SSBP2: variants seen among roughly 807,000 people sequenced by gnomAD.
The protein encoded by SSBP2 is single stranded DNA binding protein 2.
In SSBP2, 17 loss-of-function variants were observed where a neutral mutation model predicts 61.8. The ratio of observed to expected loss-of-function variants is 0.28; its 90% CI spans 0.19 to 0.41. The LOEUF (loss-of-function observed/expected upper bound fraction) is 0.41, where lower values mean the gene tolerates loss of function less well. Among genes scored for constraint, SSBP2 ranks in the 10% least tolerant of loss-of-function variants. The pLI, the probability that SSBP2 is intolerant of heterozygous loss-of-function variation, is 1.00. For missense variants in SSBP2, 310 were observed against 458.7 expected (o/e 0.68, Z 2.96); for synonymous variants, 139 against 141.3 (o/e 0.98, Z 0.12).
At chr5:81,451,183 G>A (rs191426075) in intron 10 of SSBP2, among the ~76,000 whole-genome samples, 1 of 152,200 alleles carries the variant, frequency 6.6e-6, no homozygotes, top group East Asian at 1.9e-4. Context: ...GGACTCTTGT[G>A]AGCTGGCACT....
chr5:81,542,136 T>C (rs1771320944), intron 4 of SSBP2, among the ~76,000 whole-genome samples: 1 of 152,120 alleles, frequency 6.6e-6, no homozygotes, highest in Non-Finnish European at 1.5e-5. Flanking sequence ...AAAGAAGACA[T>C]ACAAGCGGCC....
chr5:81,434,633 C>CAAAAAAAAAAAAAA (rs34269591), intron 15 of SSBP2, among the ~76,000 whole-genome samples: 20 of 42,996 alleles, frequency 4.7e-4, no homozygotes, highest in East Asian at 1.7e-3. Flanking sequence ...ACTCTTGACT[C>CAAAAAAAAAAAAAA]AAAAAAAAAA....
chr5:81,645,086 C>A (rs895650235), intron 2 of SSBP2, among the ~76,000 whole-genome samples: 7 of 152,156 alleles, frequency 4.6e-5, no homozygotes, highest in African/African-American at 7.2e-5. Flanking sequence ...TGTGCATATA[C>A]TAACTCATTT....
chr5:81,680,564 A>G (rs1581328646), intron 1 of SSBP2, among the ~76,000 whole-genome samples: 1 of 152,072 alleles, frequency 6.6e-6, no homozygotes, highest in East Asian at 1.9e-4. Flanking sequence ...AAGTAAATGG[A>G]TGGAGAAAGA....
intron 1 of SSBP2, among the ~76,000 whole-genome samples, chr5:81,712,417 A>T (rs1754855649): frequency 1.6e-4 from 1 of 6,168 alleles, no homozygotes; most frequent in African/African-American, 9.5e-4. Flanking sequence ...CTGGCTAACA[A>T]GGTGAAACCC....
At chr5:81,725,211 T>A (rs561046272) in intron 1 of SSBP2, among the ~76,000 whole-genome samples, 1 of 152,000 alleles carries the variant, frequency 6.6e-6, no homozygotes, top group African/African-American at 2.4e-5. Context: ...TTTTTAGGCA[T>A]AATAAAACAG....
chr5:81,644,811 CAG>C (rs1314045520), intron 2 of SSBP2, among the ~76,000 whole-genome samples: 13 of 152,126 alleles, frequency 8.5e-5, no homozygotes, highest in Admixed American at 6.5e-4. Flanking sequence ...TAAAGGCTCA[CAG>C]ATACTGGAGA....
At chr5:81,460,999 T>C (rs1764499634) in intron 10 of SSBP2, 56 bp downstream of exon 10, 7 of 1,112,634 alleles carry the variant, frequency 6.3e-6, no homozygotes, top group Non-Finnish European at 8.3e-6. Flanking sequence ...TTTTTGTGAT[T>C]TTTGTTAAAT....
At chr5:81,625,686 T>C (rs1174130223) in intron 3 of SSBP2, among the ~76,000 whole-genome samples, 2 of 151,600 alleles carry the variant, frequency 1.3e-5, no homozygotes, top group Non-Finnish European at 2.9e-5. Context: ...AACCAAACAC[T>C]GTATCTCCCT....
chr5:81,684,141 A>G (rs1338447904), intron 1 of SSBP2, among the ~76,000 whole-genome samples: 1 of 152,226 alleles, frequency 6.6e-6, no homozygotes, highest in Non-Finnish European at 1.5e-5. Context: ...TCATGAAAAC[A>G]TGCACACAAA....
intron 6 of SSBP2, among the ~76,000 whole-genome samples, chr5:81,482,822 G>A (rs1298609294): frequency 6.6e-6 from 1 of 152,094 alleles, no homozygotes; most frequent in Non-Finnish European, 1.5e-5. Context: ...TCCTAACATT[G>A]CTGTTTGGCA....
At chr5:81,732,042 TA>T (rs1207176711) in intron 1 of SSBP2, among the ~76,000 whole-genome samples, 2 of 152,088 alleles carry the variant, frequency 1.3e-5, no homozygotes, top group African/African-American at 2.4e-5. Flanking sequence ...TTACCTCTAA[TA>T]TCATCCACCT....
chr5:81,567,998 G>A (rs948527372), intron 4 of SSBP2, among the ~76,000 whole-genome samples: 1 of 152,212 alleles, frequency 6.6e-6, no homozygotes, highest in Non-Finnish European at 1.5e-5. Flanking sequence ...GAACTTGATG[G>A]AGGAAGGAAC....
chr5:81,615,706 G>A (rs1745942496), intron 3 of SSBP2, 149 bp from the exon 4 acceptor site: 4 of 567,892 alleles, frequency 7.0e-6, no homozygotes, highest in South Asian at 2.5e-5. Context: ...ACGCAAGCAA[G>A]GCTCTTCATG....
At chr5:81,532,973 G>T (rs1020002742) in intron 4 of SSBP2, among the ~76,000 whole-genome samples, 2 of 151,820 alleles carry the variant, frequency 1.3e-5, no homozygotes, top group African/African-American at 4.8e-5. Context: ...CTCAACAACC[G>T]ATAGTAGACA....
intron 6 of SSBP2, among the ~76,000 whole-genome samples, chr5:81,485,959 A>G (rs1009687580): frequency 1.3e-5 from 2 of 152,180 alleles, no homozygotes; most frequent in African/African-American, 4.8e-5. Flanking sequence ...TCCTAAAACA[A>G]TATTATTTAT....
intron 4 of SSBP2, among the ~76,000 whole-genome samples, chr5:81,614,359 CAAAAAAAAAAAA>C (rs10659647): frequency 3.3e-4 from 24 of 73,820 alleles, no homozygotes; most frequent in Non-Finnish European, 4.8e-4. Flanking sequence ...GACTCCGTCT[CAAAAAAAAAAAA>C]AAAAAAAAAA....
chr5:81,704,573 G>A (rs1375863871), intron 1 of SSBP2, among the ~76,000 whole-genome samples: 1 of 152,070 alleles, frequency 6.6e-6, no homozygotes, highest in East Asian at 1.9e-4. Context: ...CAAGGCAGGT[G>A]GATCACCAGG....
chr5:81,497,686 C>G (rs1767393025), intron 5 of SSBP2, among the ~76,000 whole-genome samples: 1 of 152,072 alleles, frequency 6.6e-6, no homozygotes, highest in African/African-American at 2.4e-5. Context: ...AAACAAAGAG[C>G]TGGGGACCCC....
Sources: allele counts gnomAD v4.1 joint callset (sites outside exome capture counted in the v4.1 genomes callset), GRCh38; gene constraint gnomAD v4.1.1; transcripts MANE v1.5; gene names NCBI Gene and HGNC (gene_info 2026-07-23, HGNC 2026-07-21).